Variants in WDPCP observed in about 807,000 individuals in gnomAD.
The protein encoded by WDPCP is WD repeat containing planar cell polarity effector.
WDPCP carries 71 observed loss-of-function variants against 93.1 expected under a neutral mutation model. The ratio of observed to expected loss-of-function variants is 0.76; its 90% CI spans 0.63 to 0.93. The LOEUF (loss-of-function observed/expected upper bound fraction) is 0.93, where lower values mean the gene tolerates loss of function less well. WDPCP is among the 40% of genes least tolerant of loss of function. WDPCP has a pLI of 0.00. For synonymous variants in WDPCP, 315 were observed against 315.0 expected, an observed-to-expected ratio of 1.00 and a Z score of 0.00; for missense variants, 844 against 887.4, an observed-to-expected ratio of 0.95 and a Z score of 0.62.
chr2:63,484,925 C>T lies in WDPCP; in HGVS notation c.316G>A (p.Glu106Lys). The T allele has an allele frequency of 6.2e-7, 1 of 1,612,534 alleles. No homozygotes were observed. Among genetic ancestry groups the T allele is most frequent in the African/African-American group, 1.3e-5 (1 of 74,954 alleles). The change falls in exon 5 of 18, where the codon GAG becomes AAG. Residue 106 changes from glutamate to lysine, a missense_variant. Coordinates refer to ENST00000272321, the MANE Select transcript of WDPCP (RefSeq NM_015910.7). ...RPEKLRDSLK[E>K]LEELMQNSRC... ...AACTTTTTGAAAGATACCTCCAACTCTTTGAGCGAGTCTCGGAGTTTTTCT... is the reference window on the plus strand; with the variant it reads ...AACTTTTTGAAAGATACCTCCAACTTTTTGAGCGAGTCTCGGAGTTTTTCT...
chr2:63,495,603 T>C (rs1701175195), intron 1 of WDPCP, among the ~76,000 whole-genome samples: 1 of 152,218 alleles, frequency 6.6e-6, no homozygotes, highest in African/African-American at 2.4e-5. Flanking sequence ...CTTTTCTAAT[T>C]TCTCAGCTTA....
At chr2:63,282,197 C>T (rs956715752) in intron 13 of WDPCP, among the ~76,000 whole-genome samples, 9 of 152,092 alleles carry the variant, frequency 5.9e-5, no homozygotes, top group African/African-American at 2.2e-4. Context: ...ACCCAAAAAG[C>T]ATGGAACTGG....
intron 9 of WDPCP, among the ~76,000 whole-genome samples, chr2:63,430,196 C>T (rs1696633407): frequency 6.6e-6 from 1 of 152,004 alleles, no homozygotes; most frequent in Non-Finnish European, 1.5e-5. Context: ...AAGAGGGAAA[C>T]AATATACAGT....
At chr2:63,339,846 A>G (rs768557976) in intron 12 of WDPCP, among the ~76,000 whole-genome samples, 22 of 152,130 alleles carry the variant, frequency 1.4e-4, no homozygotes, top group Non-Finnish European at 2.5e-4. Flanking sequence ...GATGGCCTTT[A>G]TTATTTTGAG....
intron 2 of WDPCP, among the ~76,000 whole-genome samples, chr2:63,724,379 T>C (rs1298217684): frequency 2.6e-5 from 4 of 152,122 alleles, no homozygotes; most frequent in Admixed American, 1.3e-4. Flanking sequence ...ATTTCATCAA[T>C]ACTTACACTG....
intron 3 of WDPCP, among the ~76,000 whole-genome samples, chr2:63,616,257 G>A (rs192467355): frequency 1.3e-3 from 198 of 152,258 alleles, no homozygotes; most frequent in Middle Eastern, 3.4e-3. Context: ...AGAAGGGAGA[G>A]GGGGAGTTCC....
intron 3 of WDPCP, among the ~76,000 whole-genome samples, chr2:63,615,012 G>A (rs1234483074): frequency 6.6e-6 from 1 of 152,136 alleles, no homozygotes; most frequent in East Asian, 1.9e-4. Flanking sequence ...CTTTTCTCTT[G>A]TTAACCTGTT....
chr2:63,138,013 C>CT (rs1465820923), intron 17 of WDPCP, among the ~76,000 whole-genome samples: 18 of 139,356 alleles, frequency 1.3e-4, no homozygotes, highest in Non-Finnish European at 2.0e-4. Context: ...TTTTGTTTTT[C>CT]TTTTTTTCTC....
At chr2:63,520,475 A>T (rs1702844984) in intron 1 of WDPCP, among the ~76,000 whole-genome samples, 1 of 152,252 alleles carries the variant, frequency 6.6e-6, no homozygotes, top group Non-Finnish European at 1.5e-5. Flanking sequence ...AAAATGTTAA[A>T]GGCAGCTAGA....
chr2:63,840,490 T>C, the WDPCP span, among the ~76,000 whole-genome samples: 5 of 152,222 alleles, frequency 3.3e-5, no homozygotes, highest in Non-Finnish European at 2.9e-5. Context: ...CACTTGTCAC[T>C]TTCTTCAATG....
At chr2:63,362,293 G>GTGTGTGTGTGTC (rs1690544351) in intron 12 of WDPCP, among the ~76,000 whole-genome samples, 1 of 136,422 alleles carries the variant, frequency 7.3e-6, no homozygotes, top group Non-Finnish European at 1.5e-5. Context: ...GTGTGTGTGT[G>GTGTGTGTGTGTC]TGTGTGTGTA....
intron 2 of WDPCP, among the ~76,000 whole-genome samples, chr2:63,684,076 T>G (rs557497011): frequency 1.3e-5 from 2 of 152,044 alleles, no homozygotes; most frequent in African/African-American, 4.8e-5. Flanking sequence ...AGACAGAAAA[T>G]TAACAAAGAA....
chr2:63,201,928 T>C (rs971265685), intron 14 of WDPCP, among the ~76,000 whole-genome samples: 2 of 152,102 alleles, frequency 1.3e-5, no homozygotes, highest in African/African-American at 4.8e-5. Flanking sequence ...TTGTGATTCA[T>C]TTTTCAAGTG....
intron 1 of WDPCP, among the ~76,000 whole-genome samples, chr2:63,533,172 CA>C (rs1703995670): frequency 6.6e-6 from 1 of 152,142 alleles, no homozygotes; most frequent in East Asian, 1.9e-4. Flanking sequence ...CTCCTAAATA[CA>C]TATGCACCCA....
chr2:63,575,501 A>G (rs111206911), intron 1 of WDPCP, among the ~76,000 whole-genome samples: 3,137 of 6,872 alleles, frequency 0.46, 809 homozygotes, highest in East Asian at 0.77. Context: ...TATATACAGT[A>G]TATACACTGT....
At chr2:63,292,252 G>A (rs1177747288) in intron 13 of WDPCP, among the ~76,000 whole-genome samples, 1 of 152,000 alleles carries the variant, frequency 6.6e-6, no homozygotes, top group Non-Finnish European at 1.5e-5. Context: ...TTATGAGAAG[G>A]TTTAAAAAGA....
At chr2:63,798,372 T>C (rs1490594931) in intron 2 of WDPCP, among the ~76,000 whole-genome samples, 2 of 152,194 alleles carry the variant, frequency 1.3e-5, no homozygotes, top group South Asian at 2.1e-4. Flanking sequence ...TTTCAAGACA[T>C]AGTATGATAA....
intron 2 of WDPCP, among the ~76,000 whole-genome samples, chr2:63,654,316 C>T (rs148809707): frequency 6.6e-6 from 1 of 152,220 alleles, no homozygotes; most frequent in Non-Finnish European, 1.5e-5. Flanking sequence ...ATGGTACAAG[C>T]AGTGGCAGAA....
intron 2 of WDPCP, among the ~76,000 whole-genome samples, chr2:63,795,104 T>C (rs972669036): frequency 6.6e-6 from 1 of 152,208 alleles, no homozygotes; most frequent in Non-Finnish European, 1.5e-5. Flanking sequence ...AAATTCTCAT[T>C]GTTTAATACA....
Sources: allele counts gnomAD v4.1 joint callset (sites outside exome capture counted in the v4.1 genomes callset), GRCh38; gene constraint gnomAD v4.1.1; transcripts MANE v1.5; gene names NCBI Gene and HGNC (gene_info 2026-07-23, HGNC 2026-07-21).